LIMK2: variants seen among roughly 807,000 people sequenced by gnomAD.
The protein encoded by LIMK2 is LIM domain kinase 2.
In LIMK2, 35 loss-of-function variants were observed where a neutral mutation model predicts 75.7. The ratio of observed to expected loss-of-function variants is 0.46; its 90% CI spans 0.35 to 0.61. The LOEUF (loss-of-function observed/expected upper bound fraction) is 0.61, where lower values mean the gene tolerates loss of function less well. Among genes scored for constraint, LIMK2 ranks in the 20% least tolerant of loss-of-function variants. The pLI is 0.00. For missense variants in LIMK2, 623 were observed against 831.0 expected (o/e 0.75, Z 3.08); for synonymous variants, 301 against 319.2 (o/e 0.94, Z 0.61).
At chr22:31,274,603 A>AG (rs1431895992) in intron 14 of LIMK2, among the ~76,000 whole-genome samples, 1 of 151,930 alleles carries the variant, frequency 6.6e-6, no homozygotes, top group East Asian at 1.9e-4. Flanking sequence ...GTTTCGCCAT[A>AG]TTGGCCAGGC....
In LIMK2 at chr22:31,262,799, C is replaced by T. The variant is rs977141475; in HGVS notation, c.854+8C>T. 4 of 1,583,532 alleles carry T rather than the reference C, an allele frequency of 2.5e-6. No individual in the cohort carries two copies. Among genetic ancestry groups the T allele is most frequent in the Admixed American group, 3.5e-5 (2 of 56,530 alleles). ...GAGGAGACGTTCCCTAAGGTGCCAC[C>T]TCCCACCCTGGCTCTGTTCTGTCCT... On this transcript the variant is annotated splice_region_variant and intron_variant, in intron 7 of 15. Transcript: ENST00000331728. This position sits in a 1 kb window ranked among gnomAD's most constrained non-coding sequence, Gnocchi z 5.0.
At chr22:31,272,902 ATCATGG>A in intron 13 of LIMK2, 198 bp downstream of exon 13, 3 of 1,357,084 alleles carry the variant, frequency 2.2e-6, no homozygotes, top group South Asian at 2.0e-5. Flanking sequence ...TCAGTGTCCC[ATCATGG>A]GGGATAAGGT....
chr22:31,278,494 G>T lies in LIMK2; in HGVS notation c.*53G>T. On this transcript the variant is annotated 3_prime_UTR_variant, in exon 16 of 16. Transcript: ENST00000331728. Reference sequence around the variant, plus strand: ...GTTCTACAGCCAGCATTGCCCCTCTGTGCCCCATTCCTGCTGTGAGCAGGG... The same window carrying T: ...GTTCTACAGCCAGCATTGCCCCTCTTTGCCCCATTCCTGCTGTGAGCAGGG... 6.5e-7 allele frequency: 1 copy of T among 1,533,820 alleles called. No homozygotes were observed. The highest frequency in any genetic ancestry group is 1.2e-5 in the South Asian group (1 of 80,502).
At chr22:31,264,255 G>T (rs1214718838) in intron 7 of LIMK2, among the ~76,000 whole-genome samples, 1 of 152,170 alleles carries the variant, frequency 6.6e-6, no homozygotes, top group East Asian at 1.9e-4. Context: ...TGCAGAGGAG[G>T]GGGGCAGCTA....
chr22:31,259,781 G>A (rs1164804923), intron 4 of LIMK2, 108 bp from the exon 5 acceptor site: 1 of 883,388 alleles, frequency 1.1e-6, no homozygotes, highest in South Asian at 2.0e-5. Context: ...AAAGAGGGTG[G>A]TAGTGAGACT....
chr22:31,215,752 G>A (rs895047052), intron 1 of LIMK2, among the ~76,000 whole-genome samples: 9 of 152,086 alleles, frequency 5.9e-5, no homozygotes, highest in African/African-American at 1.7e-4. Context: ...GTGGGATTGC[G>A]CCTGTGAAAA....
At chr22:31,255,607 T>C (rs2048770485) in intron 2 of LIMK2, among the ~76,000 whole-genome samples, 1 of 152,194 alleles carries the variant, frequency 6.6e-6, no homozygotes, top group Non-Finnish European at 1.5e-5. Context: ...TGCTCAGAAG[T>C]AGTAGAACTC....
At position 31,214,536 on chromosome 22, in the gene LIMK2, C is replaced by T. The variant is rs541140245; in HGVS notation, c.16+2112C>T. ...TTGCCCACGGTGGTTTCAAGCCATC[C>T]TCCTGTCTCAACCTCCCAAAGTGCT... On this transcript the variant is annotated intron_variant, in intron 1 of 15. Coordinates refer to ENST00000331728, the MANE Select transcript of LIMK2 (RefSeq NM_005569.4). Among the ~76,000 whole-genome samples, 7 of 151,852 alleles carry T rather than the reference C, an allele frequency of 4.6e-5. No individual in the cohort carries two copies. In the South Asian group the frequency reaches 1.2e-3, roughly 27 times the overall value.
intron 2 of LIMK2, chr22:31,248,794 C>T: frequency 6.2e-7 from 1 of 1,612,984 alleles, no homozygotes; most frequent in Non-Finnish European, 8.5e-7. Context: ...GAGTTCCCCT[C>T]TCCATCTCTC....
chr22:31,230,586 T>A (rs1601406432), intron 2 of LIMK2, among the ~76,000 whole-genome samples: 1 of 152,318 alleles, frequency 6.6e-6, no homozygotes. Context: ...CTTTCAGGAC[T>A]TCCTTTCTCA....
At chr22:31,230,343 G>T (rs1216843299) in intron 2 of LIMK2, among the ~76,000 whole-genome samples, 1 of 152,170 alleles carries the variant, frequency 6.6e-6, no homozygotes, top group East Asian at 1.9e-4. Context: ...TGAGGTTAAA[G>T]TGTGGAGCTA....
At chr22:31,238,768 A>G (rs1301528426) in intron 2 of LIMK2, among the ~76,000 whole-genome samples, 1 of 152,186 alleles carries the variant, frequency 6.6e-6, no homozygotes, top group Non-Finnish European at 1.5e-5. Context: ...GAGAGATTTA[A>G]TGGCTTGCCT....
intron 1 of LIMK2, among the ~76,000 whole-genome samples, chr22:31,220,493 T>A (rs1280942094): frequency 6.6e-6 from 1 of 152,184 alleles, no homozygotes; most frequent in Admixed American, 6.5e-5. Context: ...AAGATACAGT[T>A]CTTACACCTT....
chr22:31,276,457 GGCGGCA>G (rs1569005020), intron 15 of LIMK2, among the ~76,000 whole-genome samples: 1 of 149,636 alleles, frequency 6.7e-6, no homozygotes, highest in African/African-American at 2.4e-5. Flanking sequence ...GCGCTTCGGC[GGCGGCA>G]GCCCCGGCGG....
Position 31,259,918 on chromosome 22 carries a change from C to A in LIMK2, c.392C>A (p.Ala131Glu), listed in dbSNP as rs750966369. ...AAGTGCCACAATGAGGTGGTGCTGG[C>A]ACCCATGTTTGAGAGACTCTCCACA... is the stretch of plus-strand genomic sequence containing the variant. ...CGKCHNEVVLAPMFERLSTES... is the reference protein window; with the variant it reads ...CGKCHNEVVLEPMFERLSTES... Residue 131 changes from alanine to glutamate, a missense_variant, in exon 5 of 16, where the codon GCA becomes GAA. Coordinates refer to ENST00000331728, the MANE Select transcript of LIMK2 (RefSeq NM_005569.4). The A allele has an allele frequency of 5.0e-6, 8 of 1,609,498 alleles. No homozygotes were observed. In the African/African-American group the frequency reaches 1.1e-4, roughly 22 times the overall value.
chr22:31,220,434 C>T (rs1329295132), intron 1 of LIMK2, among the ~76,000 whole-genome samples: 1 of 152,170 alleles, frequency 6.6e-6, no homozygotes, highest in Non-Finnish European at 1.5e-5. Flanking sequence ...AAAGGAATGT[C>T]TGTTTTGCAC....
At position 31,275,231 on chromosome 22, in the gene LIMK2, G is replaced by T; in HGVS notation, c.1695G>T (p.Glu565Asp). The T allele has an allele frequency of 6.2e-7, 1 of 1,614,226 alleles. No homozygotes were observed. Among genetic ancestry groups the T allele is most frequent in the Non-Finnish European group, 8.5e-7 (1 of 1,180,036 alleles). Residue 565 changes from glutamate (E) to aspartate (D), a missense_variant, in exon 15 of 16, where the codon GAG becomes GAT. Physicochemically the swap from Glu to Asp is conservative, Grantham distance 45. Coordinates refer to ENST00000331728, the MANE Select transcript of LIMK2 (RefSeq NM_005569.4). ...GCCTCAACGTGAAGCTTTTCTGGGA[G>T]AAGTTTGTTCCCACAGATTGTCCCC... ...DFGLNVKLFW[E>D]KFVPTDCPPA...
At chr22:31,219,855 A>T (rs564371642) in intron 1 of LIMK2, among the ~76,000 whole-genome samples, 1 of 152,274 alleles carries the variant, frequency 6.6e-6, no homozygotes, top group South Asian at 2.1e-4. Context: ...TACAGGCGTG[A>T]GCCACCACGC....
At position 31,262,139 on chromosome 22, in the gene LIMK2, A is replaced by G. The variant is rs2048846489; in HGVS notation, c.557A>G (p.Asn186Ser). ...TCAACTCTTGTCTGGCCCAGGGTCA[A>G]CCGGATGCACATCAGTCCCAACAAT... ...YATTVQVKEV[N>S]RMHISPNNRN... is the part of the protein sequence containing the mutation. Residue 186 changes from asparagine to serine, a missense_variant, in exon 6 of 16, where the codon AAC (asparagine) becomes AGC (serine). Physicochemically the swap from Asn to Ser is conservative, Grantham distance 46. Coordinates refer to ENST00000331728, the MANE Select transcript of LIMK2 (RefSeq NM_005569.4). This position sits in a 1 kb window ranked among gnomAD's most constrained non-coding sequence, Gnocchi z 5.0. 1.2e-6 allele frequency: 2 copies of G among 1,614,054 alleles called. No homozygotes were observed. Among genetic ancestry groups the G allele is most frequent in the South Asian group, 1.1e-5 (1 of 91,080 alleles).
Sources: gnomAD v4.1 joint callset for allele counts (sites outside exome capture counted in the v4.1 genomes callset) on GRCh38, gnomAD v4.1.1 for gene constraint, Gnocchi (gnomAD v3.1) non-coding constraint, MANE v1.5 for transcripts, NCBI Gene and HGNC (gene_info 2026-07-23, HGNC 2026-07-21) for gene names.